LTBP1: variants seen among roughly 807,000 people sequenced by gnomAD.
LTBP1 encodes latent transforming growth factor beta binding protein 1, also known as latent-transforming growth factor beta-binding protein 1.
Under a neutral mutation model 207.6 loss-of-function variants are expected in LTBP1, and 129 were observed. The ratio of observed to expected loss-of-function variants is 0.62; its 90% CI spans 0.54 to 0.72. LTBP1 has a LOEUF of 0.72. Among genes scored for constraint, LTBP1 ranks in the 30% least tolerant of loss-of-function variants. The pLI is 0.00. For synonymous variants in LTBP1, 963 were observed against 833.7 expected, an observed-to-expected ratio of 1.16 and a Z score of -2.67; for missense variants, 2,281 against 2,217.2, an observed-to-expected ratio of 1.03 and a Z score of -0.58.
chr2:33,341,652 A>G (rs1456196926), intron 24 of LTBP1, among the ~76,000 whole-genome samples: 1 of 147,258 alleles, frequency 6.8e-6, no homozygotes, highest in African/African-American at 2.5e-5. Flanking sequence ...TGGAGCTTGC[A>G]GTGAGCCGAG....
intron 18 of LTBP1, among the ~76,000 whole-genome samples, chr2:33,276,231 A>C (rs1448460850): frequency 1.3e-5 from 2 of 152,228 alleles, no homozygotes; most frequent in African/African-American, 4.8e-5. Context: ...CAGAGTCCGG[A>C]CCATTCATCT....
chr2:33,172,500 A>G (rs1202712541), intron 5 of LTBP1, among the ~76,000 whole-genome samples: 1 of 152,238 alleles, frequency 6.6e-6, no homozygotes, highest in African/African-American at 2.4e-5. Context: ...CCAGTTTCAT[A>G]AAGCAAGTCC....
chr2:33,179,898 T>G lies in LTBP1; in HGVS notation c.1202-6958T>G, dbSNP rs772975908. Reference sequence around the variant, plus strand: ...TTTTACAGACTGCCTTATATCCTTATGGAAATGAACAGGAATCGGGCCTGT... The same window carrying G: ...TTTTACAGACTGCCTTATATCCTTAGGGAAATGAACAGGAATCGGGCCTGT... On this transcript the variant is annotated intron_variant, in intron 5 of 33. Transcript: ENST00000404816. Among the ~76,000 whole-genome samples, 3 of 152,304 alleles carry G rather than the reference T, an allele frequency of 2.0e-5. No homozygotes were observed. The South Asian group carries it at 6.2e-4, about 32-fold the overall frequency.
At chr2:33,310,100 A>G (rs2094161289) in intron 23 of LTBP1, among the ~76,000 whole-genome samples, 1 of 151,922 alleles carries the variant, frequency 6.6e-6, no homozygotes, top group African/African-American at 2.4e-5. Flanking sequence ...GGCGCCTGCC[A>G]CCACACCCGG....
intron 2 of LTBP1, among the ~76,000 whole-genome samples, chr2:32,987,036 A>G (rs2148806350): frequency 6.6e-6 from 1 of 152,224 alleles, no homozygotes; most frequent in African/African-American, 2.4e-5. Context: ...TGTAGCTCTT[A>G]TGGACTGTGG....
At chr2:33,103,586 C>CGTGTGTGT (rs71407500) in intron 3 of LTBP1, among the ~76,000 whole-genome samples, 1,587 of 118,198 alleles carry the variant, frequency 0.013, 29 homozygotes, top group Non-Finnish European at 0.02. Context: ...TCTCCGTTTA[C>CGTGTGTGT]GTGTGTGTGT....
chr2:33,015,117 G>T (rs1688195751), intron 2 of LTBP1, among the ~76,000 whole-genome samples: 1 of 151,652 alleles, frequency 6.6e-6, no homozygotes, highest in Non-Finnish European at 1.5e-5. Flanking sequence ...CTTTGACCTT[G>T]ACCAGTTTGC....
In LTBP1 at chr2:33,092,917, C is replaced by T. The variant is rs1200409644; in HGVS notation, c.864-17665C>T. Among the ~76,000 whole-genome samples the T allele has an allele frequency of 2.0e-5, 3 of 152,184 alleles. No individual in the cohort carries two copies. The East Asian group carries it at 5.8e-4, about 29-fold the overall frequency. ...TTTGTTCTTTATTATACAAATCCCA[C>T]CTGCCCTCAAGGAACTGATTCATAG... On this transcript the variant is annotated intron_variant, in intron 3 of 33. Transcript: ENST00000404816.
intron 5 of LTBP1, among the ~76,000 whole-genome samples, chr2:33,182,719 C>T (rs1472265380): frequency 0.011 from 807 of 76,356 alleles, 57 homozygotes; most frequent in African/African-American, 0.037. Flanking sequence ...CACACACACA[C>T]ACACACACAC....
intron 32 of LTBP1, among the ~76,000 whole-genome samples, chr2:33,391,534 C>G (rs1252732598): frequency 1.3e-5 from 2 of 152,210 alleles, no homozygotes; most frequent in Admixed American, 6.5e-5. Flanking sequence ...ATATGCAACT[C>G]TGACAATCCC....
chr2:33,321,479 C>T (rs2094353585), intron 24 of LTBP1, among the ~76,000 whole-genome samples: 1 of 152,096 alleles, frequency 6.6e-6, no homozygotes, highest in African/African-American at 2.4e-5. Context: ...ATTGCCAAAT[C>T]AAAAAAGTAA....
At chr2:33,150,218 A>G (rs1037115306) in intron 5 of LTBP1, among the ~76,000 whole-genome samples, 3 of 152,168 alleles carry the variant, frequency 2.0e-5, no homozygotes, top group Non-Finnish European at 4.4e-5. Context: ...TGTTTTGGTC[A>G]TCTTGCCTGG....
chr2:33,099,542 T>C (rs2079589546), intron 3 of LTBP1, among the ~76,000 whole-genome samples: 1 of 152,226 alleles, frequency 6.6e-6, no homozygotes, highest in South Asian at 2.1e-4. Context: ...GCTGGAGGAC[T>C]ATAGAGATAT....
intron 7 of LTBP1, among the ~76,000 whole-genome samples, chr2:33,203,630 T>C (rs1449559731): frequency 6.6e-6 from 1 of 152,162 alleles, no homozygotes; most frequent in Non-Finnish European, 1.5e-5. Flanking sequence ...CTCTCAGATT[T>C]TTTTTCATTT....
intron 4 of LTBP1, among the ~76,000 whole-genome samples, chr2:33,118,424 C>G (rs1176541094): frequency 6.6e-6 from 1 of 152,188 alleles, no homozygotes. Flanking sequence ...CTTGCAAAAT[C>G]AGCGAGTTCC....
chr2:32,947,663 C>CCCCGGCGGGCAGCTCCACCCCAAT lies in LTBP1; in HGVS notation c.348_371dup (p.Gln117_Gly124dup), dbSNP rs1323139541. On this transcript the variant is annotated inframe_insertion, in exon 1 of 34. Transcript: ENST00000404816. ...CGCCGGAGCCTGCGCGTCCCGCGGTCCCCGGCGGGCAGCTCCACCCCAATC... is the reference window on the plus strand; with the variant it reads ...CGCCGGAGCCTGCGCGTCCCGCGGTCCCCGGCGGGCAGCTCCACCCCAATCCCGGCGGGCAGCTCCACCCCAATC... 1.4e-6 allele frequency: 2 copies of CCCCGGCGGGCAGCTCCACCCCAAT among 1,430,326 alleles called. No homozygotes were observed. Among genetic ancestry groups the CCCCGGCGGGCAGCTCCACCCCAAT allele is most frequent in the African/African-American group, 1.5e-5 (1 of 67,054 alleles). The allele number at this position is 1,430,326 out of a possible 1,614,324, so 88.6% of individuals were successfully genotyped here. A position where few individuals can be genotyped will look rare whatever the true frequency, so the allele number is the denominator to read the frequency against.
At chr2:33,133,818 C>A (rs929661516) in intron 4 of LTBP1, among the ~76,000 whole-genome samples, 4 of 152,200 alleles carry the variant, frequency 2.6e-5, no homozygotes, top group Non-Finnish European at 5.9e-5. Context: ...TCAATTCTCT[C>A]AAGTTTTGGA....
chr2:33,294,802 C>T (rs963208772), intron 20 of LTBP1, among the ~76,000 whole-genome samples: 1 of 151,790 alleles, frequency 6.6e-6, no homozygotes, highest in African/African-American at 2.4e-5. Context: ...TGGTCTCGAA[C>T]TCCTGACCTT....
intron 7 of LTBP1, among the ~76,000 whole-genome samples, chr2:33,199,038 T>C (rs2088898458): frequency 6.6e-6 from 1 of 152,154 alleles, no homozygotes; most frequent in African/African-American, 2.4e-5. Context: ...GGGCATTTAG[T>C]GCTATAAATT....
Sources: gnomAD v4.1 joint callset for allele counts (sites outside exome capture counted in the v4.1 genomes callset) on GRCh38, gnomAD v4.1.1 for gene constraint, MANE v1.5 for transcripts, NCBI Gene and HGNC (gene_info 2026-07-23, HGNC 2026-07-21) for gene names.